The following SLC9A4 variants were observed in gnomAD, a reference collection of about 807,000 sequenced individuals.
The protein encoded by SLC9A4 is sodium/hydrogen exchanger 4.
Under a neutral mutation model 67.4 loss-of-function variants are expected in SLC9A4, and 63 were observed. The ratio of observed to expected loss-of-function variants is 0.93; its 90% CI spans 0.76 to 1.15. The LOEUF (loss-of-function observed/expected upper bound fraction) is 1.15, where lower values mean the gene tolerates loss of function less well. Among genes scored for constraint, SLC9A4 ranks in the 50% most tolerant of loss-of-function variants. The pLI, the probability that SLC9A4 is intolerant of heterozygous loss-of-function variation, is 0.00. For synonymous variants in SLC9A4, 393 were observed against 367.2 expected, an observed-to-expected ratio of 1.07 and a Z score of -0.80; for missense variants, 1,089 against 987.7, an observed-to-expected ratio of 1.10 and a Z score of -1.38.
At chr2:102,523,233 T>G (rs1280558531) in intron 9 of SLC9A4, among the ~76,000 whole-genome samples, 1 of 152,114 alleles carries the variant, frequency 6.6e-6, no homozygotes, top group East Asian at 1.9e-4. Flanking sequence ...CTTGGCCTCC[T>G]GAAGTGCTAG....
At chr2:102,514,010 G>C (rs201284506) in intron 7 of SLC9A4, 80 bp from the exon 8 acceptor site, 2 of 1,523,824 alleles carry the variant, frequency 1.3e-6, no homozygotes, top group Non-Finnish European at 1.8e-6. Context: ...GTAGTAAGTA[G>C]TTTGTTTCAA....
intron 11 of SLC9A4, among the ~76,000 whole-genome samples, chr2:102,526,930 A>G (rs148486608): frequency 7.2e-5 from 11 of 152,242 alleles, no homozygotes; most frequent in South Asian, 4.1e-4. Flanking sequence ...AAAAGGTGAC[A>G]TAATATATGT....
chr2:102,485,077 T>G lies in SLC9A4; in HGVS notation c.720+5775T>G, dbSNP rs74327199. ...TTAATGAGGTGGTGATAGTACACAG[T>G]GGTTAAGGACAGAGACCCCCTGGAC... On this transcript the variant is annotated intron_variant, in intron 2 of 11. Transcript: ENST00000295269. Among the ~76,000 whole-genome samples the G allele has an allele frequency of 1.8e-3, 279 of 152,298 alleles. 1 individual carries two copies. Among genetic ancestry groups the G allele is most frequent in the Non-Finnish European group, 2.9e-3 (197 of 68,018 alleles).
intron 10 of SLC9A4, among the ~76,000 whole-genome samples, 165 bp downstream of exon 10, chr2:102,525,320 G>A (rs1674640187): frequency 6.6e-6 from 1 of 152,064 alleles, no homozygotes; most frequent in East Asian, 2.0e-4. Context: ...CAGGACACCA[G>A]AGCAACCTTT....
At chr2:102,515,643 T>G (rs1685262528) in intron 8 of SLC9A4, among the ~76,000 whole-genome samples, 1 of 152,004 alleles carries the variant, frequency 6.6e-6, no homozygotes, top group Non-Finnish European at 1.5e-5. Flanking sequence ...TCCTCTATTA[T>G]TTAAAATGTT....
At chr2:102,490,877 G>A (rs1684684016) in intron 2 of SLC9A4, among the ~76,000 whole-genome samples, 1 of 152,140 alleles carries the variant, frequency 6.6e-6, no homozygotes, top group Admixed American at 6.5e-5. Flanking sequence ...TAGCCAACAG[G>A]TCTCTCCCTT....
chr2:102,476,110 A>T (rs1684325415), intron 1 of SLC9A4, among the ~76,000 whole-genome samples: 1 of 152,220 alleles, frequency 6.6e-6, no homozygotes, highest in African/African-American at 2.4e-5. Flanking sequence ...ACAGAAAAAC[A>T]TCAAAACTCT....
At chr2:102,522,682 T>A (rs1685453032) in intron 9 of SLC9A4, among the ~76,000 whole-genome samples, 2 of 152,146 alleles carry the variant, frequency 1.3e-5, no homozygotes, top group Non-Finnish European at 2.9e-5. Context: ...ATTGTAAAAG[T>A]TTGTCTCTAT....
intron 1 of SLC9A4, among the ~76,000 whole-genome samples, chr2:102,476,790 A>G (rs1203857776): frequency 6.6e-6 from 1 of 152,136 alleles, no homozygotes; most frequent in Non-Finnish European, 1.5e-5. Flanking sequence ...GGAGTTGGAC[A>G]AAGAGAAGAT....
intron 2 of SLC9A4, among the ~76,000 whole-genome samples, chr2:102,491,537 C>A (rs1307886601): frequency 2.0e-5 from 3 of 151,824 alleles, no homozygotes; most frequent in Non-Finnish European, 2.9e-5. Flanking sequence ...TATAAAACCA[C>A]CAGATCTCAT....
intron 2 of SLC9A4, among the ~76,000 whole-genome samples, chr2:102,485,964 A>G (rs1684580282): frequency 6.6e-6 from 1 of 152,196 alleles, no homozygotes; most frequent in African/African-American, 2.4e-5. Context: ...CTTGTCATGC[A>G]CGTGTCCTGC....
chr2:102,506,983 C>T (rs1167032250), intron 4 of SLC9A4, among the ~76,000 whole-genome samples: 1 of 152,168 alleles, frequency 6.6e-6, no homozygotes, highest in Non-Finnish European at 1.5e-5. Context: ...TGACTCATCA[C>T]AACTAATAGT....
intron 2 of SLC9A4, among the ~76,000 whole-genome samples, chr2:102,501,908 G>A (rs1159179107): frequency 6.6e-6 from 1 of 151,894 alleles, no homozygotes; most frequent in Non-Finnish European, 1.5e-5. Flanking sequence ...GCAGCATGAG[G>A]GGCCACAGCC....
chr2:102,530,386 T>A (rs1317579646), intron 11 of SLC9A4, among the ~76,000 whole-genome samples: 1 of 152,214 alleles, frequency 6.6e-6, no homozygotes, highest in African/African-American at 2.4e-5. Context: ...TGGGTGCCCA[T>A]GTGGAGGAGA....
intron 2 of SLC9A4, among the ~76,000 whole-genome samples, chr2:102,501,938 AC>A (rs1394060916): frequency 6.6e-6 from 1 of 152,008 alleles, no homozygotes; most frequent in African/African-American, 2.4e-5. Context: ...ATGAGAGCCA[AC>A]TGTGAAGGTG....
intron 4 of SLC9A4, among the ~76,000 whole-genome samples, chr2:102,507,840 C>T: frequency 6.6e-6 from 1 of 152,166 alleles, no homozygotes; most frequent in East Asian, 1.9e-4. Flanking sequence ...AATGCAGGCA[C>T]ATACACACAA....
intron 2 of SLC9A4, among the ~76,000 whole-genome samples, chr2:102,480,553 G>C (rs1684439142): frequency 6.6e-6 from 1 of 152,000 alleles, no homozygotes; most frequent in African/African-American, 2.4e-5. Flanking sequence ...CATTCAGGTT[G>C]TTTCCAATGT....
intron 9 of SLC9A4, among the ~76,000 whole-genome samples, chr2:102,521,865 A>C (rs1201576125): frequency 1.3e-5 from 2 of 152,196 alleles, no homozygotes; most frequent in Non-Finnish European, 2.9e-5. Flanking sequence ...ACCTCAGAGC[A>C]GGACCAGGAT....
At chr2:102,518,223 T>C (rs1224200088) in intron 8 of SLC9A4, among the ~76,000 whole-genome samples, 1 of 152,144 alleles carries the variant, frequency 6.6e-6, no homozygotes, top group Non-Finnish European at 1.5e-5. Context: ...CTGGGAAGAG[T>C]GCCAAGTTAC....
Sources: allele counts gnomAD v4.1 joint callset (sites outside exome capture counted in the v4.1 genomes callset), GRCh38; gene constraint gnomAD v4.1.1; transcripts MANE v1.5; gene names NCBI Gene and HGNC (gene_info 2026-07-23, HGNC 2026-07-21).